AMZ1: variants seen among roughly 807,000 people sequenced by gnomAD.
The protein encoded by AMZ1 is archaelysin family metallopeptidase 1.
AMZ1 carries 39 observed loss-of-function variants against 29.9 expected under a neutral mutation model. The observed-to-expected ratio is 1.30, with a 90% CI of 1.01 to 1.70. AMZ1 has a LOEUF of 1.70. Among genes scored for constraint, AMZ1 ranks in the 40% most tolerant of loss-of-function variants. The pLI, the probability that AMZ1 is intolerant of heterozygous loss-of-function variation, is 0.00. For synonymous variants in AMZ1, 458 were observed against 304.0 expected (o/e 1.51, Z -5.27); for missense variants, 1,041 against 680.6 (o/e 1.53, Z -5.89).
In AMZ1 at chr7:2,717,184, C is replaced by T. The variant is rs564092212; in HGVS notation, c.*4306C>T. On this transcript the variant is annotated 3_prime_UTR_variant, in exon 7 of 7. Transcript: ENST00000683327. ...CCGGCACTCTTAGGTGAGGTGCCAA[C>T]GAAAACACCCCCGTGATTGCTGGGG... 2.0e-5 allele frequency among the ~76,000 whole-genome samples: 3 copies of T among 152,274 alleles called. No individual in the cohort carries two copies. Among genetic ancestry groups the T allele is most frequent in the East Asian group, 1.9e-4 (1 of 5,176 alleles).
chr7:2,750,729 C>T (rs1008604498), intron 4 of AMZ1, among the ~76,000 whole-genome samples: 6 of 152,134 alleles, frequency 3.9e-5, no homozygotes, highest in Admixed American at 6.5e-5. Flanking sequence ...AACAGACACA[C>T]ACACAGTGTG....
At chr7:2,748,191 T>C (rs1205537236) in intron 4 of AMZ1, among the ~76,000 whole-genome samples, 8 of 150,112 alleles carry the variant, frequency 5.3e-5, no homozygotes, top group Admixed American at 1.3e-4. Flanking sequence ...AAAAAGAGCC[T>C]GCATCGCCAA....
At chr7:2,724,936 G>A (rs1404322975) in intron 4 of AMZ1, among the ~76,000 whole-genome samples, 2 of 152,154 alleles carry the variant, frequency 1.3e-5, no homozygotes, top group Admixed American at 6.5e-5. Context: ...CAGAGAAGCC[G>A]GTACCCCAGC....
chr7:2,694,549 C>T (rs997910084), intron 1 of AMZ1, among the ~76,000 whole-genome samples: 15 of 152,050 alleles, frequency 9.9e-5, no homozygotes, highest in South Asian at 2.1e-4. Context: ...TTCTGCCTCC[C>T]GAAGTACTGG....
Position 2,712,867 on chromosome 7 carries a change from G to A in AMZ1, c.1486G>A (p.Glu496Lys), listed in dbSNP as rs766281461. 1 of 1,523,396 alleles carries A rather than the reference G, an allele frequency of 6.6e-7. No homozygotes were observed. Among genetic ancestry groups the A allele is most frequent in the Admixed American group, 2.1e-5 (1 of 47,080 alleles). The allele number at this position is 1,523,396 out of a possible 1,614,324, so 94.4% of individuals were successfully genotyped here. A position where few individuals can be genotyped will look rare whatever the true frequency, so the allele number is the denominator to read the frequency against. ...AESAPRPWDG[E>K]ES ...GTCGGCCCCCCGTCCCTGGGATGGG[G>A]AAGAGAGTTAGTACAGCAGGGGCTG... The change falls in exon 7 of 7, where the codon GAA (glutamate) becomes AAA (lysine). Residue 496 changes from glutamate to lysine, a missense_variant. Glu to Lys is a moderately conservative substitution (Grantham distance 56). Transcript: ENST00000683327.
chr7:2,744,669 C>A (rs750496876), intron 4 of AMZ1, among the ~76,000 whole-genome samples: 1 of 152,138 alleles, frequency 6.6e-6, no homozygotes, highest in African/African-American at 2.4e-5. Flanking sequence ...GCTGGATGGA[C>A]AATGACTTTG....
intron 4 of AMZ1, among the ~76,000 whole-genome samples, chr7:2,727,443 G>A (rs798535): frequency 0.87 from 132,379 of 152,118 alleles, 58,380 homozygotes; most frequent in African/African-American, 0.97. Context: ...GAGTGCGATC[G>A]CAGCTCGCTG....
chr7:2,693,324 G>T (rs921753836), intron 1 of AMZ1, among the ~76,000 whole-genome samples: 6 of 152,080 alleles, frequency 3.9e-5, no homozygotes, highest in African/African-American at 1.2e-4. Context: ...CTGACCTCAG[G>T]TGATTGCCCG....
chr7:2,687,613 C>T (rs1471017116), upstream of AMZ1, among the ~76,000 whole-genome samples: 3 of 152,240 alleles, frequency 2.0e-5, no homozygotes, highest in East Asian at 5.8e-4. Flanking sequence ...GCCAGGGCTG[C>T]ACTCACAGCT....
rs569148997 is a variant in AMZ1 at position 2,696,333 on chromosome 7, T to G, written c.-218-3901T>G. On this transcript the variant is annotated intron_variant, in intron 1 of 6. Coordinates refer to ENST00000683327, the MANE Select transcript of AMZ1 (RefSeq NM_001384743.1). ...GTGCAGTGGTGCGATCTTGGCTCAC[T>G]GCAAGCTCCGCCTCCCAGGTTCACG... Among the ~76,000 whole-genome samples the G allele has an allele frequency of 2.4e-4, 36 of 147,874 alleles. 1 individual carries two copies. The South Asian group carries it at 6.5e-3, about 27-fold the overall frequency.
At chr7:2,708,971 TG>T (rs1349829493) in intron 4 of AMZ1, 103 bp from the exon 5 acceptor site, 1 of 1,401,130 alleles carries the variant, frequency 7.1e-7, no homozygotes, top group Non-Finnish European at 9.6e-7. Flanking sequence ...GGTATGTCTT[TG>T]GGCCATGGCC....
In AMZ1 at chr7:2,717,189, A is replaced by T. The variant is rs1401491515; in HGVS notation, c.*4311A>T. The stretch of plus-strand genomic sequence containing the variant: ...ACTCTTAGGTGAGGTGCCAACGAAA[A>T]CACCCCCGTGATTGCTGGGGCTTCA... On this transcript the variant is annotated 3_prime_UTR_variant, in exon 7 of 7. Coordinates refer to ENST00000683327, the MANE Select transcript of AMZ1 (RefSeq NM_001384743.1). Among the ~76,000 whole-genome samples, 1 of 152,114 alleles carries T rather than the reference A, an allele frequency of 6.6e-6. No homozygotes were observed. The highest frequency in any genetic ancestry group is 1.5e-5 in the Non-Finnish European group (1 of 68,016).
chr7:2,720,112 C>T (rs961465220), downstream of AMZ1, among the ~76,000 whole-genome samples: 17 of 152,242 alleles, frequency 1.1e-4, no homozygotes, highest in African/African-American at 4.1e-4. Flanking sequence ...CGACGGGAAC[C>T]TACCGACAGG....
At chr7:2,684,200 T>G (rs1240425712), upstream of AMZ1, among the ~76,000 whole-genome samples, 6 of 152,068 alleles carry the variant, frequency 3.9e-5, no homozygotes, top group Admixed American at 2.0e-4. Flanking sequence ...TGTCATTATT[T>G]TTTACATTGT....
chr7:2,723,679 C>T (rs1789510054), downstream of AMZ1, among the ~76,000 whole-genome samples: 1 of 152,232 alleles, frequency 6.6e-6, no homozygotes, highest in African/African-American at 2.4e-5. Flanking sequence ...TTCCCCACAG[C>T]TTCAGGGCAG....
At position 2,709,190 on chromosome 7, in the gene AMZ1, G is replaced by T; in HGVS notation, c.717G>T (p.Gln239His). 6.5e-7 allele frequency: 1 copy of T among 1,535,260 alleles called. No homozygotes were observed. Residue 239 changes from glutamine to histidine, a missense_variant, in exon 5 of 7, where the codon CAG (glutamine) becomes CAT (histidine). Coordinates refer to ENST00000683327, the MANE Select transcript of AMZ1 (RefSeq NM_001384743.1). ...CAGACGGCCCCGAGGCCCCCCTGCA[G>T]GACAGGGGCTGGGCCCTGTGCTTCA... ...AAADGPEAPL[Q>H]DRGWALCFSA...
chr7:2,737,071 A>G (rs184005591), intron 4 of AMZ1, among the ~76,000 whole-genome samples: 2 of 152,278 alleles, frequency 1.3e-5, no homozygotes, highest in Non-Finnish European at 2.9e-5. Flanking sequence ...CATTAAAGAC[A>G]GCCCATGTGT....
intron 4 of AMZ1, among the ~76,000 whole-genome samples, chr7:2,746,270 G>A (rs1790759311): frequency 2.0e-5 from 3 of 152,146 alleles, no homozygotes; most frequent in African/African-American, 7.2e-5. Flanking sequence ...TTGATAGTTG[G>A]AAGTAAAGCA....
In AMZ1 at chr7:2,712,559, C is replaced by T. The variant is rs1788860098; in HGVS notation, c.1178C>T (p.Ala393Val). 2 of 1,610,330 alleles carry T rather than the reference C, an allele frequency of 1.2e-6. No homozygotes were observed. The highest frequency in any genetic ancestry group is 4.5e-5 in the East Asian group (2 of 44,806). ...CTGAGCTACCTGGCAGCCTCAGAGG[C>T]TCCGCTGCCACCTGGGGGCCCTGCG... Reference protein sequence around the residue: ...EGLSYLAASEAPLPPGGPAEA... With the variant: ...EGLSYLAASEVPLPPGGPAEA... The change falls in exon 7 of 7, where the codon GCT (alanine) becomes GTT (valine). Residue 393 changes from alanine (A) to valine (V), a missense_variant. By Grantham distance (64) the Ala-to-Val change is moderately conservative. Coordinates refer to ENST00000683327, the MANE Select transcript of AMZ1 (RefSeq NM_001384743.1).
Sources: gnomAD v4.1 joint callset for allele counts (sites outside exome capture counted in the v4.1 genomes callset) on GRCh38, gnomAD v4.1.1 for gene constraint, MANE v1.5 for transcripts, NCBI Gene and HGNC (gene_info 2026-07-23, HGNC 2026-07-21) for gene names.